KAT6A: variants seen among roughly 807,000 people sequenced by gnomAD.
KAT6A encodes the protein lysine acetyltransferase 6A.
Under a neutral mutation model 198.4 loss-of-function variants are expected in KAT6A, and 9 were observed. The ratio of observed to expected loss-of-function variants is 0.05; its 90% CI spans 0.03 to 0.08. The LOEUF is 0.08. Among genes scored for constraint, KAT6A ranks in the 10% least tolerant of loss-of-function variants. The pLI, the probability that KAT6A is intolerant of heterozygous loss-of-function variation, is 1.00. For synonymous variants in KAT6A, 890 were observed against 883.0 expected (o/e 1.01, Z -0.14); for missense variants, 2,077 against 2,509.9 (o/e 0.83, Z 3.69).
chr8:42,005,796 A>ACACACACACACT (rs71239089), intron 2 of KAT6A, among the ~76,000 whole-genome samples: 2,701 of 148,808 alleles, frequency 0.018, 32 homozygotes, highest in African/African-American at 0.021. Flanking sequence ...ACACACACAC[A>ACACACACACACT]CACTCACTCT....
At chr8:41,947,461 T>C (rs1475195799) in intron 11 of KAT6A, among the ~76,000 whole-genome samples, 2 of 152,232 alleles carry the variant, frequency 1.3e-5, no homozygotes, top group African/African-American at 2.4e-5. Context: ...AGAGAGCTAA[T>C]GACTGTTTAT....
chr8:42,039,902 AT>A (rs56756690), intron 2 of KAT6A, among the ~76,000 whole-genome samples: 1,967 of 144,424 alleles, frequency 0.014, 18 homozygotes, highest in Non-Finnish European at 0.02. Context: ...CCTGGCTAAT[AT>A]TTTTTTTTTT....
Position 41,934,864 on chromosome 8 carries a change from G to A in KAT6A, c.3356C>T (p.Thr1119Ile). The A allele has an allele frequency of 1.2e-6, 2 of 1,600,064 alleles. No individual in the cohort carries two copies. Among genetic ancestry groups the A allele is most frequent in the Non-Finnish European group, 8.5e-7 (1 of 1,175,038 alleles). Residue 1119 changes from threonine (T) to isoleucine (I), a missense_variant, in exon 17 of 17, where the codon ACT becomes ATT. By Grantham distance (89) the Thr-to-Ile change is moderately conservative. Transcript: ENST00000265713. ...AAGAGATACTGGCTTTAAGATAGGA[G>A]TGTCTATACAGGAAGGAAAAAAAAC... ...EDEESDDADD[T>I]PILKPVSLLR... is the part of the protein sequence containing the mutation.
intron 2 of KAT6A, among the ~76,000 whole-genome samples, chr8:41,989,528 A>AACGTGACGTAACGTG (rs1554690581): frequency 6.7e-6 from 1 of 149,616 alleles, no homozygotes; most frequent in East Asian, 2.0e-4. Context: ...AACATAACGT[A>AACGTGACGTAACGTG]ACGTGACGTG....
intron 2 of KAT6A, among the ~76,000 whole-genome samples, chr8:42,028,869 T>C (rs2150920514): frequency 6.6e-6 from 1 of 152,328 alleles, no homozygotes; most frequent in South Asian, 2.1e-4. Flanking sequence ...CTCTTTTTCA[T>C]TTGTATGTCT....
At chr8:42,051,544 C>G (rs924681295) in intron 1 of KAT6A, among the ~76,000 whole-genome samples, 3 of 144,596 alleles carry the variant, frequency 2.1e-5, no homozygotes, top group Admixed American at 6.8e-5. Context: ...CCCGAGGCTC[C>G]GCGGCCTGGG....
At chr8:42,050,133 A>C (rs945216546) in intron 1 of KAT6A, among the ~76,000 whole-genome samples, 1 of 152,230 alleles carries the variant, frequency 6.6e-6, no homozygotes, top group African/African-American at 2.4e-5. Flanking sequence ...CTACATATCA[A>C]ACGGACGGTA....
chr8:41,972,159 T>C (rs759170124), intron 8 of KAT6A, among the ~76,000 whole-genome samples: 1 of 151,924 alleles, frequency 6.6e-6, no homozygotes, highest in Non-Finnish European at 1.5e-5. Context: ...ATTATAACCA[T>C]AAAATAATCT....
chr8:41,932,231 GTGAC>G lies in KAT6A; in HGVS notation c.5985_5988del (p.Gln1995HisfsTer7). 1 of 1,608,412 alleles carries G rather than the reference GTGAC, an allele frequency of 6.2e-7. No homozygotes were observed. Among genetic ancestry groups the G allele is most frequent in the Non-Finnish European group, 8.5e-7 (1 of 1,176,966 alleles). ...CATCTTCTCATGTAAGGTCCGTTGA[GTGAC>G]TGCTTGGGCACGCCAGCAGCGTTCA... On this transcript the variant is annotated frameshift_variant, in exon 17 of 17. Transcript: ENST00000265713. LOFTEE classifies it high-confidence loss of function.
At chr8:42,041,578 A>G (rs1827671159) in intron 2 of KAT6A, among the ~76,000 whole-genome samples, 1 of 152,190 alleles carries the variant, frequency 6.6e-6, no homozygotes, top group African/African-American at 2.4e-5. Context: ...TTTCTATTAA[A>G]AATACAAAAA....
intron 2 of KAT6A, among the ~76,000 whole-genome samples, chr8:41,998,896 C>T (rs1433275438): frequency 1.3e-5 from 2 of 151,922 alleles, no homozygotes; most frequent in African/African-American, 4.8e-5. Context: ...ATTTCCATTA[C>T]TTATAGTATA....
At chr8:42,014,435 GAAGATAAA>G (rs2150910734) in intron 2 of KAT6A, among the ~76,000 whole-genome samples, 1 of 152,272 alleles carries the variant, frequency 6.6e-6, no homozygotes, top group South Asian at 2.1e-4. Context: ...AAAATCAATT[GAAGATAAA>G]ATACCAGTTA....
intron 9 of KAT6A, among the ~76,000 whole-genome samples, chr8:41,951,659 A>G (rs1009810309): frequency 6.6e-6 from 1 of 152,176 alleles, no homozygotes; most frequent in African/African-American, 2.4e-5. Flanking sequence ...CTGATAACCC[A>G]GCCCATGGAA....
chr8:41,971,530 T>G (rs1056393630), intron 8 of KAT6A, among the ~76,000 whole-genome samples: 1 of 150,640 alleles, frequency 6.6e-6, no homozygotes, highest in Non-Finnish European at 1.5e-5. Context: ...GTGGCTGGAG[T>G]AGCCTGAGAG....
chr8:42,002,324 T>C (rs905192647), intron 2 of KAT6A, among the ~76,000 whole-genome samples: 19 of 152,214 alleles, frequency 1.2e-4, no homozygotes, highest in Non-Finnish European at 2.2e-4. Flanking sequence ...TTTTCAGCTT[T>C]TTCTTTACAT....
At chr8:41,997,355 AAT>A (rs769838317) in intron 2 of KAT6A, among the ~76,000 whole-genome samples, 1 of 152,156 alleles carries the variant, frequency 6.6e-6, no homozygotes. Context: ...GAACCCTAGG[AAT>A]ATGTTAAATC....
chr8:41,942,958 C>G lies in KAT6A; in HGVS notation c.2271G>C (p.Met757Ile), dbSNP rs1328165625. The stretch of plus-strand genomic sequence containing the variant: ...GTCGCAAATTCAGCTGAAGCTTTGC[C>G]ATGTGATCCTGGATAAGTTTTTCCC... Reference protein sequence around the residue: ...IRREKLIQDHMAKLQLNLRPV... With the variant: ...IRREKLIQDHIAKLQLNLRPV... Residue 757 changes from methionine to isoleucine, a missense_variant, in exon 14 of 17, where the codon ATG becomes ATC. Physicochemically the swap from Met to Ile is conservative, Grantham distance 10. Around this residue, in one of 13 missense-constraint regions of KAT6A, gnomAD observed 127 missense variants for 209.6 expected, o/e 0.61. Coordinates refer to ENST00000265713, the MANE Select transcript of KAT6A (RefSeq NM_006766.5). 6.2e-7 allele frequency: 1 copy of G among 1,614,010 alleles called. No individual in the cohort carries two copies. The highest frequency in any genetic ancestry group is 1.3e-5 in the African/African-American group (1 of 74,900).
In KAT6A at chr8:41,943,854, C is replaced by A. The variant is rs768824758; in HGVS notation, c.2122G>T (p.Asp708Tyr). Residue 708 changes from aspartate (D) to tyrosine (Y), a missense_variant, in exon 13 of 17, where the codon GAC becomes TAC. This residue lies in a region of KAT6A where 127 missense variants were observed against 209.6 expected (regional missense o/e 0.61). Transcript: ENST00000265713. The part of the protein sequence containing the change: ...VILECLYHQN[D>Y]KQISIKKLSK... ...AACTTCTTAATGCTGATCTGCTTGT[C>A]ATTTTGGTGATAAAGGCACTCCAAT... 1 of 1,613,910 alleles carries A rather than the reference C, an allele frequency of 6.2e-7. No individual in the cohort carries two copies. The highest frequency in any genetic ancestry group is 2.2e-5 in the East Asian group (1 of 44,836).
At chr8:42,007,150 G>GTTA (rs1206560597) in intron 2 of KAT6A, among the ~76,000 whole-genome samples, 1 of 151,644 alleles carries the variant, frequency 6.6e-6, no homozygotes, top group East Asian at 1.9e-4. Flanking sequence ...GAAATCAGGA[G>GTTA]TTATAAATAA....
Sources: allele counts gnomAD v4.1 joint callset (sites outside exome capture counted in the v4.1 genomes callset), GRCh38; gene constraint gnomAD v4.1.1; regional missense constraint gnomAD v4.1.1; transcripts MANE v1.5; gene names NCBI Gene and HGNC (gene_info 2026-07-23, HGNC 2026-07-21).